PEX11G: variants seen among roughly 807,000 people sequenced by gnomAD.
PEX11G encodes the protein peroxisomal biogenesis factor 11 gamma, also known as peroxisomal membrane protein 11C.
In PEX11G, 20 loss-of-function variants were observed where a neutral mutation model predicts 22.5. The ratio of observed to expected loss-of-function variants is 0.89; its 90% CI spans 0.62 to 1.29. The LOEUF is 1.29. Among genes scored for constraint, PEX11G ranks in the 50% most tolerant of loss-of-function variants. The pLI is 0.00. For synonymous variants in PEX11G, 141 were observed against 154.5 expected (o/e 0.91, Z 0.65); for missense variants, 347 against 331.3 (o/e 1.05, Z -0.37).
chr19:7,484,690 T>C (rs1195706012), intron 2 of PEX11G, among the ~76,000 whole-genome samples: 2 of 150,968 alleles, frequency 1.3e-5, no homozygotes, highest in Admixed American at 1.3e-4. Context: ...GAAAAATCAT[T>C]TGAATCCCGG....
chr19:7,489,988 G>T (rs1285037486), upstream of PEX11G, among the ~76,000 whole-genome samples: 2 of 151,960 alleles, frequency 1.3e-5, no homozygotes, highest in Non-Finnish European at 2.9e-5. Flanking sequence ...TTCCCAAGTA[G>T]CTGGGATCAC....
chr19:7,477,102 G>A lies in PEX11G; in HGVS notation c.*100C>T. The A allele has an allele frequency of 8.7e-7, 1 of 1,150,106 alleles. No individual in the cohort carries two copies. The highest frequency in any genetic ancestry group is 1.9e-5 in the South Asian group (1 of 52,362). The allele number at this position is 1,150,106 out of a possible 1,614,324, so 71.2% of individuals were successfully genotyped here. The stretch of plus-strand genomic sequence containing the variant: ...ACCCTGCCCATGGGTTTCACCACAG[G>A]CAGCTCCATGAGAGCCCCGGCCCCT... On this transcript the variant is annotated 3_prime_UTR_variant, in exon 5 of 5. Coordinates refer to ENST00000221480, the MANE Select transcript of PEX11G (RefSeq NM_080662.4).
At chr19:7,489,401 T>G (rs1299223810), upstream of PEX11G, 1 of 1,022,586 alleles carries the variant, frequency 9.8e-7, no homozygotes, top group Admixed American at 5.9e-5. Context: ...GTGCTTCACC[T>G]TTTCTGCACT....
chr19:7,485,165 A>T (rs894262288), intron 2 of PEX11G, among the ~76,000 whole-genome samples: 6 of 146,380 alleles, frequency 4.1e-5, no homozygotes, highest in African/African-American at 8.3e-5. Context: ...TATAAAAAAA[A>T]TTTTTTTTGT....
intron 3 of PEX11G, among the ~76,000 whole-genome samples, chr19:7,481,712 C>T (rs898631424): frequency 2.6e-5 from 4 of 152,136 alleles, no homozygotes; most frequent in Non-Finnish European, 4.4e-5. Context: ...TCCAAGGAAA[C>T]GGACCTCCCC....
chr19:7,481,957 C>T (rs1977506473), intron 3 of PEX11G, 76 bp downstream of exon 3: 2 of 1,401,152 alleles, frequency 1.4e-6, no homozygotes, highest in South Asian at 1.5e-5. Flanking sequence ...TGTGCTGTTG[C>T]TGGGGCCGCT....
At chr19:7,492,474 C>T (rs2021907260), upstream of PEX11G, among the ~76,000 whole-genome samples, 2 of 151,758 alleles carry the variant, frequency 1.3e-5, no homozygotes, top group African/African-American at 4.8e-5. Flanking sequence ...GACAGAGTGT[C>T]ACTCTATTGC....
At chr19:7,488,159 A>C (rs1599224288) in intron 1 of PEX11G, among the ~76,000 whole-genome samples, 2 of 152,252 alleles carry the variant, frequency 1.3e-5, no homozygotes, top group East Asian at 3.8e-4. Context: ...ATGTCCAAAC[A>C]TGGGAATCTG....
intron 3 of PEX11G, among the ~76,000 whole-genome samples, chr19:7,481,223 C>T (rs930049834): frequency 1.3e-5 from 2 of 152,066 alleles, no homozygotes; most frequent in African/African-American, 4.8e-5. Flanking sequence ...TTTTTTGACA[C>T]GGAATCTTGC....
In PEX11G at chr19:7,477,004, G is replaced by T; in HGVS notation, c.*198C>A. 1 of 434,600 alleles carries T rather than the reference G, an allele frequency of 2.3e-6. No individual in the cohort carries two copies. The highest frequency in any genetic ancestry group is 4.0e-6 in the Non-Finnish European group (1 of 251,704). The allele number at this position is 434,600 out of a possible 1,614,324, so 26.9% of individuals were successfully genotyped here. On this transcript the variant is annotated 3_prime_UTR_variant, in exon 5 of 5. Transcript: ENST00000221480. ...AGGAGGTGCTGCTGAAGCCCTGCAC[G>T]GCCCCTGAAAACTGTCACGGCTCAG...
upstream of PEX11G, among the ~76,000 whole-genome samples, chr19:7,491,641 T>C (rs1421938610): frequency 6.6e-6 from 1 of 151,844 alleles, no homozygotes; most frequent in Non-Finnish European, 1.5e-5. Flanking sequence ...CCAAGCATAA[T>C]AGGTTGTTTT....
intron 1 of PEX11G, among the ~76,000 whole-genome samples, chr19:7,487,725 CTTATATCT>C (rs1053000891): frequency 2.0e-5 from 3 of 152,104 alleles, no homozygotes; most frequent in Non-Finnish European, 4.4e-5. Flanking sequence ...CCTGGCCTCC[CTTATATCT>C]TTATTTTACC....
At chr19:7,493,496 C>CT (rs140054447), upstream of PEX11G, among the ~76,000 whole-genome samples, 13 of 146,290 alleles carry the variant, frequency 8.9e-5, no homozygotes, top group South Asian at 2.2e-4. Context: ...TGCCCAGCCT[C>CT]TTTTTTTTTT....
At chr19:7,494,456 C>T (rs767363441) in intron 1 of PEX11G, among the ~76,000 whole-genome samples, 12 of 152,162 alleles carry the variant, frequency 7.9e-5, no homozygotes, top group Admixed American at 2.0e-4. Context: ...GGTCACTGGC[C>T]GCAAAGCCTG....
intron 1 of PEX11G, among the ~76,000 whole-genome samples, chr19:7,486,785 G>A (rs1341398323): frequency 6.6e-6 from 1 of 152,044 alleles, no homozygotes; most frequent in Non-Finnish European, 1.5e-5. Flanking sequence ...ATTTTTAGTA[G>A]AGATGGGGTT....
intron 2 of PEX11G, among the ~76,000 whole-genome samples, chr19:7,484,870 C>A (rs1282837132): frequency 6.6e-6 from 1 of 151,926 alleles, no homozygotes; most frequent in Admixed American, 6.6e-5. Context: ...AAAATTATAT[C>A]CTCCTTTGGA....
chr19:7,489,034 A>C lies in PEX11G; in HGVS notation c.-24T>G. 3.3e-6 allele frequency: 5 copies of C among 1,498,504 alleles called. No individual in the cohort carries two copies. The highest frequency in any genetic ancestry group is 2.5e-5 in the South Asian group (2 of 79,636). The allele number at this position is 1,498,504 out of a possible 1,614,324, so 92.8% of individuals were successfully genotyped here. On this transcript the variant is annotated 5_prime_UTR_variant, in exon 1 of 5. Coordinates refer to ENST00000221480, the MANE Select transcript of PEX11G (RefSeq NM_080662.4). ...ATGGCAACTCCGTGACGTCACCGCGACGTCGGCGCGCCGCGCCAGGGGGCG... is the reference window on the plus strand; with the variant it reads ...ATGGCAACTCCGTGACGTCACCGCGCCGTCGGCGCGCCGCGCCAGGGGGCG...
intron 2 of PEX11G, 59 bp from the exon 3 acceptor site, chr19:7,482,270 A>G (rs1977531946): frequency 6.8e-7 from 1 of 1,470,590 alleles, no homozygotes; most frequent in Non-Finnish European, 9.0e-7. Flanking sequence ...CCATTTTAGC[A>G]CCGTAGCCAT....
At chr19:7,483,157 T>A (rs1319167391) in intron 2 of PEX11G, 3 of 130,152 alleles carry the variant, frequency 2.3e-5, no homozygotes, top group Non-Finnish European at 4.7e-5. Context: ...CCTTGTTACC[T>A]GCCACACCCT....
Sources: allele counts gnomAD v4.1 joint callset (sites outside exome capture counted in the v4.1 genomes callset), GRCh38; gene constraint gnomAD v4.1.1; transcripts MANE v1.5; gene names NCBI Gene and HGNC (gene_info 2026-07-23, HGNC 2026-07-21).